The following TMCC1 variants were observed in gnomAD, a reference collection of about 807,000 sequenced individuals.
TMCC1 encodes transmembrane and coiled-coil domain family 1, also known as transmembrane and coiled-coil domains protein 1.
A neutral mutation model predicts 52.4 loss-of-function variants in TMCC1; 15 were observed. The ratio of observed to expected loss-of-function variants is 0.29; its 90% CI spans 0.19 to 0.44. The LOEUF is 0.44. Ranked by LOEUF, TMCC1 falls within the 20% of genes least tolerant of loss-of-function variation. The pLI, the probability that TMCC1 is intolerant of heterozygous loss-of-function variation, is 1.00. For missense variants in TMCC1, 503 were observed against 806.0 expected (o/e 0.62, Z 4.55); for synonymous variants, 279 against 301.9 (o/e 0.92, Z 0.79).
At position 129,828,090 on chromosome 3, in the gene TMCC1, T is replaced by C. The variant is rs1461635909; in HGVS notation, c.289A>G (p.Thr97Ala). 3 of 1,614,084 alleles carry C rather than the reference T, an allele frequency of 1.9e-6. No homozygotes were observed. Among genetic ancestry groups the C allele is most frequent in the South Asian group, 2.2e-5 (2 of 91,086 alleles). Residue 97 changes from threonine (T) to alanine (A), a missense_variant, in exon 4 of 7, where the codon ACC (threonine) becomes GCC (alanine). By Grantham distance (58) the Thr-to-Ala change is moderately conservative. Coordinates refer to ENST00000393238, the MANE Select transcript of TMCC1 (RefSeq NM_001017395.5). This position sits in a 1 kb window ranked among gnomAD's most constrained non-coding sequence, Gnocchi z 4.1. ...ACACGATTCAGAGCTGTGGGGTGGG[T>C]GGGGACACCATCAATCTCAGCACAT... ...NACAEIDGVP[T>A]HPTALNRVLQ...
At chr3:129,710,279 T>G (rs971347195) in intron 4 of TMCC1, among the ~76,000 whole-genome samples, 8 of 152,188 alleles carry the variant, frequency 5.3e-5, no homozygotes, top group African/African-American at 1.9e-4. Flanking sequence ...TGAACTATCT[T>G]GTGAGGTTTG....
chr3:129,823,224 G>C (rs1033942109), intron 4 of TMCC1, among the ~76,000 whole-genome samples: 9 of 152,078 alleles, frequency 5.9e-5, no homozygotes, highest in Admixed American at 2.0e-4. Flanking sequence ...TACTTGGGAG[G>C]CTGAGGCAGG....
At chr3:129,731,044 T>C (rs986932294) in intron 4 of TMCC1, among the ~76,000 whole-genome samples, 3 of 152,174 alleles carry the variant, frequency 2.0e-5, no homozygotes, top group African/African-American at 7.2e-5. Context: ...GGAGAAGATC[T>C]GTTAAAACAA....
chr3:129,819,884 G>A (rs192276181), intron 4 of TMCC1: 3 of 152,002 alleles, frequency 2.0e-5, no homozygotes, highest in East Asian at 1.9e-4. Context: ...TTTTATGGAC[G>A]TTGGGGTCCT....
chr3:129,762,732 T>C (rs913048320), intron 4 of TMCC1, among the ~76,000 whole-genome samples: 4 of 152,104 alleles, frequency 2.6e-5, no homozygotes, highest in Non-Finnish European at 5.9e-5. Context: ...CTGTGAGTCA[T>C]GATCATACCA....
rs1221907764 is a variant in TMCC1, at chr3:129,779,491, C to T, written c.576+48312G>A. ...AATTTTAGAGATGCAAATAAGTATG[C>T]GTGATACATTTATGTGGTAGTTAGT... On this transcript the variant is annotated intron_variant, in intron 4 of 6. Coordinates refer to ENST00000393238, the MANE Select transcript of TMCC1 (RefSeq NM_001017395.5). Among the ~76,000 whole-genome samples the T allele has an allele frequency of 6.6e-5, 10 of 151,994 alleles. No individual in the cohort carries two copies. The East Asian group carries it at 7.7e-4, about 12-fold the overall frequency.
intron 4 of TMCC1, among the ~76,000 whole-genome samples, chr3:129,752,226 A>G (rs2052588858): frequency 6.6e-6 from 1 of 152,156 alleles, no homozygotes; most frequent in Non-Finnish European, 1.5e-5. Flanking sequence ...TGAATGAGCG[A>G]GCTGTGACCT....
intron 4 of TMCC1, among the ~76,000 whole-genome samples, chr3:129,785,360 G>A (rs1489118831): frequency 2.6e-5 from 4 of 152,016 alleles, no homozygotes; most frequent in African/African-American, 9.7e-5. Flanking sequence ...AATTTACATT[G>A]TATGCTTTAA....
Position 129,671,974 on chromosome 3 carries a change from T to C in TMCC1, c.577-710A>G, listed in dbSNP as rs1302648269. Among the ~76,000 whole-genome samples the C allele has an allele frequency of 2.0e-5, 3 of 152,072 alleles. No homozygotes were observed. In the South Asian group the frequency reaches 6.2e-4, roughly 32 times the overall value. On this transcript the variant is annotated intron_variant, in intron 4 of 6. Transcript: ENST00000393238. Reference sequence around the variant, plus strand: ...CTTGAAAACTCAGGGACAGGAACAGTAAGAGCTAAGTTAACAAGTCAGGGA... The same window carrying C: ...CTTGAAAACTCAGGGACAGGAACAGCAAGAGCTAAGTTAACAAGTCAGGGA...
intron 4 of TMCC1, among the ~76,000 whole-genome samples, chr3:129,777,438 G>A (rs1391139125): frequency 6.6e-6 from 1 of 152,148 alleles, no homozygotes; most frequent in African/African-American, 2.4e-5. Context: ...ACTACTTAGA[G>A]GTAACATCTC....
At chr3:129,771,606 C>T (rs1240054422) in intron 4 of TMCC1, among the ~76,000 whole-genome samples, 1 of 151,356 alleles carries the variant, frequency 6.6e-6, no homozygotes, top group African/African-American at 2.4e-5. Context: ...GAGACCCTGT[C>T]TCTACAAAAA....
chr3:129,690,316 T>C (rs1318477642), intron 4 of TMCC1, among the ~76,000 whole-genome samples: 1 of 152,296 alleles, frequency 6.6e-6, no homozygotes, highest in Non-Finnish European at 1.5e-5. Context: ...AGCTACTAGA[T>C]TGTGTGCAGT....
chr3:129,819,390 A>C (rs1487679898), intron 4 of TMCC1, among the ~76,000 whole-genome samples: 1 of 152,204 alleles, frequency 6.6e-6, no homozygotes, highest in Non-Finnish European at 1.5e-5. Flanking sequence ...TTAAAAGTAA[A>C]TATATTAGAA....
intron 1 of TMCC1, among the ~76,000 whole-genome samples, chr3:129,890,491 T>C (rs1227839359): frequency 1.3e-5 from 2 of 152,226 alleles, no homozygotes; most frequent in Non-Finnish European, 2.9e-5. Flanking sequence ...TCAAATACAT[T>C]ATCTTGTTTA....
intron 4 of TMCC1, among the ~76,000 whole-genome samples, chr3:129,694,550 C>T (rs1318456549): frequency 6.6e-6 from 1 of 152,190 alleles, no homozygotes; most frequent in Non-Finnish European, 1.5e-5. Context: ...TCATAAAGAC[C>T]TTGCTGATAA....
At chr3:129,668,031 T>C (rs2087608387) in intron 5 of TMCC1, among the ~76,000 whole-genome samples, 1 of 152,032 alleles carries the variant, frequency 6.6e-6, no homozygotes, top group Non-Finnish European at 1.5e-5. Flanking sequence ...TACAAAAGAA[T>C]TAAAAAACGA....
chr3:129,681,739 C>T (rs1446147089), intron 4 of TMCC1, among the ~76,000 whole-genome samples: 2 of 151,924 alleles, frequency 1.3e-5, no homozygotes, highest in African/African-American at 2.4e-5. Context: ...AAAACCCCGT[C>T]TTTACTAAAA....
chr3:129,760,013 A>G (rs908042805), intron 4 of TMCC1, among the ~76,000 whole-genome samples: 6 of 151,010 alleles, frequency 4.0e-5, no homozygotes, highest in South Asian at 2.1e-4. Context: ...GAGCCACCGC[A>G]CCCGGCCCAA....
intron 6 of TMCC1, 136 bp downstream of exon 6, chr3:129,654,832 A>G: frequency 8.1e-7 from 1 of 1,230,564 alleles, no homozygotes; most frequent in Non-Finnish European, 1.1e-6. Flanking sequence ...TCATTTTAAG[A>G]GTAGGTATAC....
Sources: gnomAD v4.1 joint callset for allele counts (sites outside exome capture counted in the v4.1 genomes callset) on GRCh38, gnomAD v4.1.1 for gene constraint, Gnocchi (gnomAD v3.1) non-coding constraint, MANE v1.5 for transcripts, NCBI Gene and HGNC (gene_info 2026-07-23, HGNC 2026-07-21) for gene names.